The following CDH20 variants were observed in gnomAD, a reference collection of about 807,000 sequenced individuals.
CDH20 encodes the protein cadherin-20.
In CDH20, 29 loss-of-function variants were observed where a neutral mutation model predicts 74.2. The observed-to-expected ratio is 0.39, with a 90% CI of 0.29 to 0.53. The LOEUF (loss-of-function observed/expected upper bound fraction) is 0.53, where lower values mean the gene tolerates loss of function less well. CDH20 is among the 20% of genes least tolerant of loss of function. The pLI is 0.69. For missense variants in CDH20, 988 were observed against 1,048.3 expected, an observed-to-expected ratio of 0.94 and a Z score of 0.79; for synonymous variants, 469 against 405.4, an observed-to-expected ratio of 1.16 and a Z score of -1.88.
At chr18:61,484,898 C>T (rs1353636321) in intron 1 of CDH20, among the ~76,000 whole-genome samples, 5 of 152,098 alleles carry the variant, frequency 3.3e-5, no homozygotes, top group Admixed American at 3.3e-4. Flanking sequence ...CTCCCAGTCT[C>T]ATTTACAAAA....
chr18:61,396,413 T>C (rs1206069509), intron 1 of CDH20, among the ~76,000 whole-genome samples: 2 of 152,224 alleles, frequency 1.3e-5, no homozygotes, highest in African/African-American at 4.8e-5. Flanking sequence ...TCCTTTTTTT[T>C]TAAGACCAGT....
chr18:61,354,712 CCCCTGTGCATGAAA>C (rs1910439792), intron 1 of CDH20, among the ~76,000 whole-genome samples: 1 of 151,942 alleles, frequency 6.6e-6, no homozygotes, highest in East Asian at 1.9e-4. Context: ...TAAAAGTAAC[CCCCTGTGCATGAAA>C]CCCTAACATA....
At chr18:61,441,460 T>C (rs1406253360) in intron 1 of CDH20, among the ~76,000 whole-genome samples, 2 of 152,194 alleles carry the variant, frequency 1.3e-5, no homozygotes, top group Non-Finnish European at 2.9e-5. Context: ...AAGCACCAAA[T>C]TAAGGGACTG....
intron 6 of CDH20, among the ~76,000 whole-genome samples, chr18:61,521,527 T>G (rs1912206934): frequency 6.6e-6 from 1 of 151,344 alleles, no homozygotes; most frequent in Non-Finnish European, 1.5e-5. Context: ...CTTCTGAAAC[T>G]ATTCCAAACA....
chr18:61,484,737 CCACACACACACACA>C (rs36203080), intron 1 of CDH20, among the ~76,000 whole-genome samples: 10,346 of 146,224 alleles, frequency 0.071, 552 homozygotes, highest in African/African-American at 0.14. Context: ...TTGCTCTACT[CCACACACACACACA>C]CACACACACA....
chr18:61,430,470 A>G (rs1242689129), intron 1 of CDH20, among the ~76,000 whole-genome samples: 2 of 152,116 alleles, frequency 1.3e-5, no homozygotes, highest in Non-Finnish European at 2.9e-5. Context: ...TTTCTCCACT[A>G]TAAAATTATT....
intron 1 of CDH20, among the ~76,000 whole-genome samples, chr18:61,339,678 GA>G (rs1909874441): frequency 8.1e-5 from 9 of 111,554 alleles, no homozygotes; most frequent in Non-Finnish European, 1.4e-4. Flanking sequence ...GATGGTCATA[GA>G]AATTTTTTTT....
chr18:61,452,047 T>A (rs377163455), intron 1 of CDH20, among the ~76,000 whole-genome samples: 1 of 152,104 alleles, frequency 6.6e-6, no homozygotes, highest in Non-Finnish European at 1.5e-5. Context: ...GAAGGACAAA[T>A]ACTACTATTT....
intron 1 of CDH20, among the ~76,000 whole-genome samples, chr18:61,488,789 T>C (rs1910857349): frequency 6.6e-6 from 1 of 152,114 alleles, no homozygotes; most frequent in African/African-American, 2.4e-5. Context: ...GCACAGCTAT[T>C]TCTCACTAAT....
intron 5 of CDH20, among the ~76,000 whole-genome samples, chr18:61,506,498 T>C (rs897109800): frequency 1.3e-4 from 20 of 152,226 alleles, no homozygotes; most frequent in African/African-American, 4.6e-4. Flanking sequence ...AGGGAACACG[T>C]ACATATTGAA....
At position 61,353,779 on chromosome 18, in the gene CDH20, T is replaced by TA. The variant is rs774029044; in HGVS notation, c.-153+19960dup. 4.0e-4 allele frequency among the ~76,000 whole-genome samples: 60 copies of TA among 151,846 alleles called. No homozygotes were observed. Among genetic ancestry groups the TA allele is most frequent in the South Asian group, 1.3e-3 (6 of 4,800 alleles). On this transcript the variant is annotated intron_variant, in intron 1 of 11. Coordinates refer to ENST00000262717, the MANE Select transcript of CDH20 (RefSeq NM_031891.4). The surrounding 1 kb of genome is among the most constrained non-coding windows in gnomAD (Gnocchi z 4.6). The stretch of plus-strand genomic sequence containing the variant: ...GCTTTAAACTTATGTTAATAAAAGT[T>TA]AAAAAAAATCTTTCAGTTCCAGCCA...
At chr18:61,390,272 C>T (rs1327127617) in intron 1 of CDH20, among the ~76,000 whole-genome samples, 1 of 152,162 alleles carries the variant, frequency 6.6e-6, no homozygotes, top group Non-Finnish European at 1.5e-5. Flanking sequence ...TAGTGAAATA[C>T]ATAATATACA....
chr18:61,463,403 G>A (rs936929361), intron 1 of CDH20, among the ~76,000 whole-genome samples: 1 of 152,078 alleles, frequency 6.6e-6, no homozygotes, highest in Non-Finnish European at 1.5e-5. Flanking sequence ...GTAAATATTG[G>A]TACATTTTTC....
intron 1 of CDH20, among the ~76,000 whole-genome samples, chr18:61,373,402 A>G (rs750128861): frequency 7.2e-5 from 11 of 152,006 alleles, no homozygotes; most frequent in Admixed American, 1.3e-4. Context: ...CCTAATGACT[A>G]TTACCCGAGA....
At chr18:61,410,214 T>C (rs1384620369) in intron 1 of CDH20, among the ~76,000 whole-genome samples, 1 of 152,058 alleles carries the variant, frequency 6.6e-6, no homozygotes, top group Non-Finnish European at 1.5e-5. Flanking sequence ...AACACACAGG[T>C]CTCCTAACAT....
rs1209105145 is a variant in CDH20, at chr18:61,472,047, T to A, written c.-152-18355T>A. On this transcript the variant is annotated intron_variant, in intron 1 of 11. Transcript: ENST00000262717. The stretch of plus-strand genomic sequence containing the variant: ...TACTGTACAAGGCTGCACATAGTCC[T>A]GTGCTGTTTGATTCCGTTAAGAAAT... Among the ~76,000 whole-genome samples, 3 of 152,150 alleles carry A rather than the reference T, an allele frequency of 2.0e-5. No individual in the cohort carries two copies. In the East Asian group the frequency reaches 5.8e-4, roughly 29 times the overall value.
intron 1 of CDH20, among the ~76,000 whole-genome samples, chr18:61,441,291 C>CA (rs758632580): frequency 3.3e-5 from 5 of 152,154 alleles, no homozygotes; most frequent in Non-Finnish European, 7.4e-5. Flanking sequence ...CCAATCTACT[C>CA]AGTGGTGGTA....
intron 1 of CDH20, among the ~76,000 whole-genome samples, chr18:61,384,462 C>T (rs181657396): frequency 1.3e-5 from 2 of 152,130 alleles, no homozygotes; most frequent in African/African-American, 4.8e-5. Flanking sequence ...TGCTGTCTTA[C>T]AATGTAGCAT....
chr18:61,396,898 A>G (rs1911999470), intron 1 of CDH20, among the ~76,000 whole-genome samples: 1 of 152,202 alleles, frequency 6.6e-6, no homozygotes, highest in Non-Finnish European at 1.5e-5. Context: ...CAATTTGTCC[A>G]CACACAGTCT....
Sources: allele counts gnomAD v4.1 joint callset (sites outside exome capture counted in the v4.1 genomes callset), GRCh38; gene constraint gnomAD v4.1.1; non-coding constraint Gnocchi (gnomAD v3.1); transcripts MANE v1.5; gene names NCBI Gene and HGNC (gene_info 2026-07-23, HGNC 2026-07-21).